TBXA2R: variants seen among roughly 807,000 people sequenced by gnomAD.
TBXA2R encodes prostanoid TP receptor.
Under a neutral mutation model 15.6 loss-of-function variants are expected in TBXA2R, and 15 were observed. The ratio of observed to expected loss-of-function variants is 0.96; its 90% CI spans 0.64 to 1.48. The LOEUF is 1.48. Ranked by LOEUF, TBXA2R falls within the 40% of genes most tolerant of loss-of-function variation. The pLI is 0.00. For synonymous variants in TBXA2R, 280 were observed against 241.2 expected, an observed-to-expected ratio of 1.16 and a Z score of -1.49; for missense variants, 506 against 491.4, an observed-to-expected ratio of 1.03 and a Z score of -0.28.
chr19:3,601,621 G>C (rs2032740289), intron 1 of TBXA2R, among the ~76,000 whole-genome samples: 1 of 151,734 alleles, frequency 6.6e-6, no homozygotes, highest in African/African-American at 2.4e-5. Context: ...AAAATAAAAT[G>C]AGATGGTTCA....
chr19:3,595,016 G>T lies in TBXA2R; in HGVS notation c.*672C>A, dbSNP rs1415922046. 7.3e-6 allele frequency: 10 copies of T among 1,377,700 alleles called. No individual in the cohort carries two copies. Among genetic ancestry groups the T allele is most frequent in the Non-Finnish European group, 8.9e-6 (9 of 1,012,946 alleles). The allele number at this position is 1,377,700 out of a possible 1,614,324, so 85.3% of individuals were successfully genotyped here. Reference sequence around the variant, plus strand: ...AATCGCTTGAACCCGGGAGGCGGAGGTTGCAGTGAGCCGAGATCGTGCCAC... The same window carrying T: ...AATCGCTTGAACCCGGGAGGCGGAGTTTGCAGTGAGCCGAGATCGTGCCAC... On this transcript the variant is annotated 3_prime_UTR_variant, in exon 3 of 3. Coordinates refer to ENST00000375190, the MANE Select transcript of TBXA2R (RefSeq NM_001060.6).
intron 2 of TBXA2R, among the ~76,000 whole-genome samples, chr19:3,599,538 G>T (rs2032673389): frequency 1.3e-5 from 2 of 151,848 alleles, no homozygotes; most frequent in Admixed American, 6.6e-5. Context: ...CACCGTGTTG[G>T]CCAGAATGGT....
chr19:3,603,026 A>G, intron 1 of TBXA2R, among the ~76,000 whole-genome samples: 1 of 138,916 alleles, frequency 7.2e-6, no homozygotes, highest in Non-Finnish European at 1.6e-5. Context: ...ACAGAGCGAG[A>G]CTCCATCTCA....
At chr19:3,604,492 C>T (rs1482424849) in intron 1 of TBXA2R, among the ~76,000 whole-genome samples, 2 of 152,288 alleles carry the variant, frequency 1.3e-5, no homozygotes, top group East Asian at 1.9e-4. Flanking sequence ...TCCCCCACTC[C>T]CTGGAGCACG....
intron 2 of TBXA2R, 135 bp from the exon 3 acceptor site, chr19:3,596,068 G>A (rs1159266351): frequency 1.0e-5 from 12 of 1,172,170 alleles, no homozygotes; most frequent in African/African-American, 3.0e-5. Flanking sequence ...TCACTCTGTC[G>A]TCCAGGCTGG....
At position 3,595,736 on chromosome 19, in the gene TBXA2R, C is replaced by A; in HGVS notation, c.984G>T (p.Arg328Ser). ...TGAGCTGGGGCTGGAGGGACAGCGA[C>A]CTGGGCCGGGTGCTGAGGCGAGGCT... ...RLQPRLSTRPRSLSLQPQLTQ... is the reference protein window; with the variant it reads ...RLQPRLSTRPSSLSLQPQLTQ... Residue 328 changes from arginine to serine, a missense_variant, in exon 3 of 3, where the codon AGG becomes AGT. By Grantham distance (110) the Arg-to-Ser change is moderately radical (BLOSUM62 -1). Transcript: ENST00000375190. The A allele has an allele frequency of 1.9e-6, 3 of 1,603,216 alleles. No individual in the cohort carries two copies. The highest frequency in any genetic ancestry group is 2.6e-6 in the Non-Finnish European group (3 of 1,175,728).
rs752519324 is a variant in TBXA2R at position 3,600,464 on chromosome 19, C to T, written c.171G>A (p.Ser57=). 45 of 1,612,568 alleles carry T rather than the reference C, an allele frequency of 2.8e-5. 1 individual carries two copies. In the South Asian group the frequency reaches 4.3e-4, roughly 15 times the overall value. Residue 57 remains serine, a synonymous_variant, in exon 2 of 3, where the codon TCG becomes TCA. Coordinates refer to ENST00000375190, the MANE Select transcript of TBXA2R (RefSeq NM_001060.6). The part of the protein sequence containing the change: ...SVLAGARQGG[S]HTRSSFLTFL... ...AGGTGAGGAAGGAGGAGCGCGTGTG[C>T]GAACCCCCCTGCCGCGCGCCCGCCA...
chr19:3,599,654 A>G (rs1211724051), intron 2 of TBXA2R, among the ~76,000 whole-genome samples, 195 bp downstream of exon 2: 1 of 151,916 alleles, frequency 6.6e-6, no homozygotes, highest in Non-Finnish European at 1.5e-5. Context: ...TTTAGTAGAG[A>G]CAGGGTTTCA....
rs34977130 is a variant in TBXA2R, at chr19:3,604,047, A to G, written c.-84+2483T>C. Among the ~76,000 whole-genome samples the G allele has an allele frequency of 8.9e-3, 1,352 of 152,266 alleles. 21 individuals are homozygous for G. Among genetic ancestry groups the G allele is most frequent in the African/African-American group, 0.031 (1,289 of 41,546 alleles). On this transcript the variant is annotated intron_variant, in intron 1 of 2. Coordinates refer to ENST00000375190, the MANE Select transcript of TBXA2R (RefSeq NM_001060.6). ...TAACTCCAGAATTTTGCAGTCTGAG[A>G]GCAGACGTTTGCCCTCAGCGGGTTC... is the stretch of plus-strand genomic sequence containing the variant.
chr19:3,606,227 C>T (rs1277522279), intron 1 of TBXA2R, among the ~76,000 whole-genome samples: 1 of 152,236 alleles, frequency 6.6e-6, no homozygotes, highest in Non-Finnish European at 1.5e-5. Flanking sequence ...GCCCCCTCCC[C>T]GGCTGCAGCC....
chr19:3,598,718 G>A (rs1438761580), intron 2 of TBXA2R, among the ~76,000 whole-genome samples: 1 of 152,026 alleles, frequency 6.6e-6, no homozygotes, highest in South Asian at 2.1e-4. Context: ...ACCCAGGCTG[G>A]AGTGCAGTGA....
At position 3,595,680 on chromosome 19, in the gene TBXA2R, T is replaced by C. The variant is rs1242604992; in HGVS notation, c.*8A>G. On this transcript the variant is annotated 3_prime_UTR_variant, in exon 3 of 3. Transcript: ENST00000375190. ...GGAAAGGCGCGGGAGGGGCGCTCTG[T>C]CCACTTCCTACTGCAGCCCGGAGCG... 1 of 1,577,634 alleles carries C rather than the reference T, an allele frequency of 6.3e-7. No individual in the cohort carries two copies. Among genetic ancestry groups the C allele is most frequent in the African/African-American group, 1.3e-5 (1 of 74,652 alleles).
Position 3,600,489 on chromosome 19 carries a change from A to T in TBXA2R, c.146T>A (p.Leu49Gln). 6.2e-7 allele frequency: 1 copy of T among 1,612,918 alleles called. No individual in the cohort carries two copies. Among genetic ancestry groups the T allele is most frequent in the Non-Finnish European group, 8.5e-7 (1 of 1,179,650 alleles). ...LASNLLALSV[L>Q]AGARQGGSHT... ...CGAACCCCCCTGCCGCGCGCCCGCC[A>T]GCACGCTCAGGGCCAGCAGGTTGGA... Residue 49 changes from leucine (L) to glutamine (Q), a missense_variant, in exon 2 of 3, where the codon CTG becomes CAG. By Grantham distance (113) the Leu-to-Gln change is moderately radical. Transcript: ENST00000375190.
At chr19:3,606,208 A>G (rs925164421) in intron 1 of TBXA2R, among the ~76,000 whole-genome samples, 1 of 152,142 alleles carries the variant, frequency 6.6e-6, no homozygotes, top group African/African-American at 2.4e-5. Flanking sequence ...TGCCACACCC[A>G]GGGCCTGGGC....
chr19:3,595,018 T>G lies in TBXA2R; in HGVS notation c.*670A>C. 2 of 1,364,858 alleles carry G rather than the reference T, an allele frequency of 1.5e-6. No individual in the cohort carries two copies. Among genetic ancestry groups the G allele is most frequent in the Non-Finnish European group, 2.0e-6 (2 of 1,000,542 alleles). The allele number at this position is 1,364,858 out of a possible 1,614,324, so 84.5% of individuals were successfully genotyped here. Reference sequence around the variant, plus strand: ...TCGCTTGAACCCGGGAGGCGGAGGTTGCAGTGAGCCGAGATCGTGCCACTG... The same window carrying G: ...TCGCTTGAACCCGGGAGGCGGAGGTGGCAGTGAGCCGAGATCGTGCCACTG... On this transcript the variant is annotated 3_prime_UTR_variant, in exon 3 of 3. Transcript: ENST00000375190.
At chr19:3,599,588 C>T (rs910920317) in intron 2 of TBXA2R, among the ~76,000 whole-genome samples, 7 of 151,708 alleles carry the variant, frequency 4.6e-5, no homozygotes, top group African/African-American at 1.7e-4. Context: ...CCTCGGCCTC[C>T]CAAAGTGCTG....
In TBXA2R at chr19:3,595,404, C is replaced by G. The variant is rs200784751; in HGVS notation, c.*284G>C. 2 of 1,391,382 alleles carry G rather than the reference C, an allele frequency of 1.4e-6. No homozygotes were observed. The highest frequency in any genetic ancestry group is 1.9e-6 in the Non-Finnish European group (2 of 1,078,128). The allele number at this position is 1,391,382 out of a possible 1,614,324, so 86.2% of individuals were successfully genotyped here. ...AAAAAAAAAATAGCAATGCAAGACCCTCTTCCAATGTCTGCATGCCCTTCC... is the reference window on the plus strand; with the variant it reads ...AAAAAAAAAATAGCAATGCAAGACCGTCTTCCAATGTCTGCATGCCCTTCC... On this transcript the variant is annotated 3_prime_UTR_variant, in exon 3 of 3. Coordinates refer to ENST00000375190, the MANE Select transcript of TBXA2R (RefSeq NM_001060.6).
rs780858879 is a variant in TBXA2R, at chr19:3,599,969, C to G, written c.666G>C (p.Leu222=). The G allele has an allele frequency of 6.3e-7, 1 of 1,592,278 alleles. No individual in the cohort carries two copies. Among genetic ancestry groups the G allele is most frequent in the Non-Finnish European group, 8.5e-7 (1 of 1,170,658 alleles). ...CCTCCTGCCCGTGGTAGACGTGGCA[C>G]AGGGTGGCCACGCTGACCGTGTTCA... The part of the protein sequence containing the change: ...FLLNTVSVAT[L]CHVYHGQEAA... The change falls in exon 2 of 3, where the codon CTG becomes CTC. Residue 222 remains leucine (L), a synonymous_variant. Coordinates refer to ENST00000375190, the MANE Select transcript of TBXA2R (RefSeq NM_001060.6).
intron 2 of TBXA2R, among the ~76,000 whole-genome samples, chr19:3,599,068 A>T (rs552183860): frequency 6.6e-6 from 1 of 152,234 alleles, no homozygotes; most frequent in Non-Finnish European, 1.5e-5. Context: ...ATGAAATTCA[A>T]ATTTCATCAT....
Sources: allele counts gnomAD v4.1 joint callset (sites outside exome capture counted in the v4.1 genomes callset), GRCh38; gene constraint gnomAD v4.1.1; transcripts MANE v1.5; gene names NCBI Gene and HGNC (gene_info 2026-07-23, HGNC 2026-07-21).